PLEKHA7: variants seen among roughly 807,000 people sequenced by gnomAD.
The protein encoded by PLEKHA7 is pleckstrin homology domain-containing family A member 7.
A neutral mutation model predicts 170.0 loss-of-function variants in PLEKHA7; 104 were observed. The ratio of observed to expected loss-of-function variants is 0.61; its 90% CI spans 0.52 to 0.72. The LOEUF is 0.72. PLEKHA7 is among the 30% of genes least tolerant of loss of function. The pLI is 0.00. For missense variants in PLEKHA7, 1,615 were observed against 1,671.7 expected (o/e 0.97, Z 0.59); for synonymous variants, 648 against 660.8 (o/e 0.98, Z 0.30).
chr11:16,901,936 C>A (rs1226063834), intron 3 of PLEKHA7, among the ~76,000 whole-genome samples: 1 of 152,130 alleles, frequency 6.6e-6, no homozygotes, highest in Non-Finnish European at 1.5e-5. Context: ...ACGATCATCA[C>A]CCCAATCAAA....
intron 26 of PLEKHA7, among the ~76,000 whole-genome samples, chr11:16,781,403 C>T (rs1849012243): frequency 6.6e-6 from 1 of 152,174 alleles, no homozygotes; most frequent in South Asian, 2.1e-4. Context: ...TGGCAGACCC[C>T]CTCAGGGTTA....
At chr11:16,911,052 C>T (rs954250081) in intron 3 of PLEKHA7, among the ~76,000 whole-genome samples, 4 of 152,224 alleles carry the variant, frequency 2.6e-5, no homozygotes, top group African/African-American at 9.6e-5. Context: ...GGCTAAAATG[C>T]AAATTCCTCG....
intron 3 of PLEKHA7, among the ~76,000 whole-genome samples, chr11:16,939,356 A>G (rs10741713): frequency 0.9 from 136,317 of 152,198 alleles, 61,103 homozygotes; most frequent in African/African-American, 0.94. Flanking sequence ...AGAGGTTGCA[A>G]TGACCCGAGA....
intron 3 of PLEKHA7, among the ~76,000 whole-genome samples, chr11:16,995,943 C>T (rs1008739865): frequency 6.6e-6 from 1 of 152,148 alleles, no homozygotes; most frequent in Admixed American, 6.5e-5. Flanking sequence ...ATGCCCAAAA[C>T]TGAGAATCTG....
chr11:16,939,972 T>C (rs999338152), intron 3 of PLEKHA7, among the ~76,000 whole-genome samples: 3 of 152,040 alleles, frequency 2.0e-5, no homozygotes, highest in Admixed American at 6.6e-5. Flanking sequence ...CCATAGGAAG[T>C]GAGTAAGAAA....
chr11:17,009,027 T>G (rs902947433), intron 3 of PLEKHA7, among the ~76,000 whole-genome samples: 6 of 152,176 alleles, frequency 3.9e-5, no homozygotes, highest in Non-Finnish European at 5.9e-5. Context: ...CCTTCCAAAG[T>G]ACCTCAATCC....
chr11:16,936,433 C>T (rs1444266297), intron 3 of PLEKHA7, among the ~76,000 whole-genome samples: 1 of 127,906 alleles, frequency 7.8e-6, no homozygotes, highest in East Asian at 2.5e-4. Context: ...AAAATCAGGT[C>T]TCTATTAGAA....
rs748400746 is a variant in PLEKHA7 at position 16,817,158 on chromosome 11, C to T, written c.1508G>A (p.Ser503Asn). Residue 503 changes from serine to asparagine, a missense_variant, in exon 11 of 27, where the codon AGC becomes AAC. By Grantham distance (46) the Ser-to-Asn change is conservative. Transcript: ENST00000531066. The surrounding 1 kb of genome is among the most constrained non-coding windows in gnomAD (Gnocchi z 4.4). ...SDYKYAQDRA[S>N]HLKMSSEERR... The stretch of plus-strand genomic sequence containing the variant: ...CTCTTCACTCGACATCTTCAGGTGG[C>T]TGGCTCGGTCCTGCGCATACTTGTA... 6.2e-7 allele frequency: 1 copy of T among 1,614,216 alleles called. No individual in the cohort carries two copies.
intron 3 of PLEKHA7, among the ~76,000 whole-genome samples, chr11:16,989,031 A>C (rs1863889561): frequency 6.6e-6 from 1 of 152,256 alleles, no homozygotes; most frequent in South Asian, 2.1e-4. Flanking sequence ...AAATAGCCAC[A>C]TCTTCCTCAA....
chr11:16,816,046 T>A, intron 12 of PLEKHA7, 132 bp downstream of exon 12: 1 of 749,410 alleles, frequency 1.3e-6, no homozygotes, highest in Non-Finnish European at 2.2e-6. Context: ...ATTCAACTTC[T>A]CTGAGCCTCA....
At chr11:16,872,644 G>C (rs150697052) in intron 3 of PLEKHA7, among the ~76,000 whole-genome samples, 4 of 152,044 alleles carry the variant, frequency 2.6e-5, no homozygotes, top group Non-Finnish European at 4.4e-5. Context: ...CTCAGCCTCC[G>C]GAGTGGCTGG....
Position 16,791,042 on chromosome 11 carries a change from T to C in PLEKHA7, c.2903A>G (p.Glu968Gly), listed in dbSNP as rs752121170. Residue 968 changes from glutamate (E) to glycine (G), a missense_variant, in exon 20 of 27, where the codon GAG (glutamate) becomes GGG (glycine). By Grantham distance (98) the Glu-to-Gly change is moderately conservative. Coordinates refer to ENST00000531066, the MANE Select transcript of PLEKHA7 (RefSeq NM_001329630.2). This position sits in a 1 kb window ranked among gnomAD's most constrained non-coding sequence, Gnocchi z 4.5. ...ATCCCCATTCACACACTGCCCCAGCTCCCGGTCTCGCTTCCTCTCGTCTGA... is the reference window on the plus strand; with the variant it reads ...ATCCCCATTCACACACTGCCCCAGCCCCCGGTCTCGCTTCCTCTCGTCTGA... ...RQSDERKRDRELGQCVNGDSR... is the reference protein window; with the variant it reads ...RQSDERKRDRGLGQCVNGDSR... 3.1e-6 allele frequency: 5 copies of C among 1,614,026 alleles called. No individual in the cohort carries two copies. The highest frequency in any genetic ancestry group is 4.2e-6 in the Non-Finnish European group (5 of 1,180,002).
intron 3 of PLEKHA7, among the ~76,000 whole-genome samples, chr11:16,972,642 A>C (rs1324030907): frequency 6.6e-6 from 1 of 151,680 alleles, no homozygotes; most frequent in Non-Finnish European, 1.5e-5. Context: ...GTTGGTCTCA[A>C]ACTCCTGAGC....
intron 3 of PLEKHA7, among the ~76,000 whole-genome samples, chr11:16,967,618 C>T (rs1487242003): frequency 6.6e-6 from 1 of 152,150 alleles, no homozygotes. Context: ...TCACAGCACC[C>T]TAAGTCCAGG....
chr11:16,972,402 G>C (rs770933995), intron 3 of PLEKHA7, among the ~76,000 whole-genome samples: 3 of 151,806 alleles, frequency 2.0e-5, no homozygotes, highest in African/African-American at 7.3e-5. Context: ...GATTACAGGC[G>C]TGAGTCACTC....
intron 3 of PLEKHA7, among the ~76,000 whole-genome samples, chr11:16,978,370 C>A (rs1590769047): frequency 6.6e-6 from 1 of 152,126 alleles, no homozygotes; most frequent in East Asian, 1.9e-4. Context: ...TCACAGAGAC[C>A]TGATGCAAAA....
At chr11:16,841,853 T>A in intron 8 of PLEKHA7, 131 bp from the exon 9 acceptor site, 2 of 826,582 alleles carry the variant, frequency 2.4e-6, no homozygotes, top group Non-Finnish European at 3.7e-6. Context: ...TTTCCACACC[T>A]AGAAAACATC....
At chr11:16,830,415 T>G (rs434761) in intron 9 of PLEKHA7, among the ~76,000 whole-genome samples, 24,500 of 152,228 alleles carry the variant, frequency 0.16, 2,399 homozygotes, top group African/African-American at 0.27. Flanking sequence ...TTTAGAATCT[T>G]GCATGCTGCT....
At chr11:16,824,919 C>T (rs1406161666) in intron 10 of PLEKHA7, among the ~76,000 whole-genome samples, 1 of 152,200 alleles carries the variant, frequency 6.6e-6, no homozygotes, top group Non-Finnish European at 1.5e-5. Context: ...AGCAGCTTCC[C>T]TTCCCTGTGT....
Sources: gnomAD v4.1 joint callset for allele counts (sites outside exome capture counted in the v4.1 genomes callset) on GRCh38, gnomAD v4.1.1 for gene constraint, Gnocchi (gnomAD v3.1) non-coding constraint, MANE v1.5 for transcripts, NCBI Gene and HGNC (gene_info 2026-07-23, HGNC 2026-07-21) for gene names.